NFATC3: variants seen among roughly 807,000 people sequenced by gnomAD.
NFATC3 encodes nuclear factor of activated T-cells, cytoplasmic 3.
NFATC3 carries 46 observed loss-of-function variants against 98.6 expected under a neutral mutation model. The ratio of observed to expected loss-of-function variants is 0.47; its 90% CI spans 0.37 to 0.60. The LOEUF is 0.60. Among genes scored for constraint, NFATC3 ranks in the 20% least tolerant of loss-of-function variants. NFATC3 has a pLI of 0.00. For missense variants in NFATC3, 1,256 were observed against 1,295.5 expected (o/e 0.97, Z 0.47); for synonymous variants, 512 against 472.2 (o/e 1.08, Z -1.09).
chr16:68,216,311 T>G (rs2041634717), intron 9 of NFATC3, among the ~76,000 whole-genome samples: 1 of 152,242 alleles, frequency 6.6e-6, no homozygotes, highest in African/African-American at 2.4e-5. Flanking sequence ...GTCTCACATC[T>G]TAAGCCAAAT....
rs758564977 is a variant in NFATC3, at chr16:68,191,713, A to G, written c.3044A>G (p.Glu1015Gly). 1 of 1,614,134 alleles carries G rather than the reference A, an allele frequency of 6.2e-7. No individual in the cohort carries two copies. Among genetic ancestry groups the G allele is most frequent in the South Asian group, 1.1e-5 (1 of 91,078 alleles). ...PDGATVSIKPEPEDREPNFAT... is the reference protein window; with the variant it reads ...PDGATVSIKPGPEDREPNFAT... ...GGGGCAACTGTGAGCATTAAACCTG[A>G]ACCAGAAGATCGAGAGCCTAACTTT... Residue 1015 changes from glutamate to glycine, a missense_variant, in exon 9 of 10, where the codon GAA (glutamate) becomes GGA (glycine). Glu to Gly is a moderately conservative substitution (Grantham distance 98). Transcript: ENST00000346183.
At chr16:68,151,801 G>A (rs1312814730) in intron 3 of NFATC3, among the ~76,000 whole-genome samples, 1 of 152,164 alleles carries the variant, frequency 6.6e-6, no homozygotes, top group African/African-American at 2.4e-5. Context: ...GGGCACAGTG[G>A]CTCACGCCTG....
At chr16:68,162,589 CTT>C (rs1203578990) in intron 4 of NFATC3, among the ~76,000 whole-genome samples, 14 of 138,908 alleles carry the variant, frequency 1.0e-4, no homozygotes, top group Non-Finnish European at 7.9e-5. Context: ...AGCCTAAACT[CTT>C]TTTTTTTTTT....
intron 6 of NFATC3, among the ~76,000 whole-genome samples, chr16:68,180,621 G>C (rs1434338146): frequency 6.6e-6 from 1 of 152,050 alleles, no homozygotes; most frequent in African/African-American, 2.4e-5. Flanking sequence ...GTTTACATTA[G>C]ATATATCTCC....
chr16:68,117,512 C>CTTAT (rs1208575122), intron 1 of NFATC3, among the ~76,000 whole-genome samples: 1 of 152,014 alleles, frequency 6.6e-6, no homozygotes, highest in Non-Finnish European at 1.5e-5. Context: ...TTCCAACAAC[C>CTTAT]TTATTTATTT....
intron 8 of NFATC3, among the ~76,000 whole-genome samples, chr16:68,186,858 A>T (rs2040226128): frequency 6.6e-6 from 1 of 152,252 alleles, no homozygotes; most frequent in African/African-American, 2.4e-5. Context: ...TTTATGGCGA[A>T]TAACTCCTTT....
rs898779304 is a variant in NFATC3, at chr16:68,085,799, A to G, written c.103+15A>G. 1.4e-5 allele frequency: 20 copies of G among 1,434,436 alleles called. No homozygotes were observed. In the African/African-American group the frequency reaches 2.3e-4, roughly 16 times the overall value. The allele number at this position is 1,434,436 out of a possible 1,614,324, so 88.9% of individuals were successfully genotyped here. A position where few individuals can be genotyped will look rare whatever the true frequency, so the allele number is the denominator to read the frequency against. On this transcript the variant is annotated intron_variant, in intron 1 of 9. Coordinates refer to ENST00000346183, the MANE Select transcript of NFATC3 (RefSeq NM_173165.3). ...GCGGCCTGCAGGTGGGTGCCGGGCC[A>G]GGCGGGACCGTGGAGCGACCCCGCT...
Position 68,227,688 on chromosome 16 carries a change from C to T in NFATC3, c.*1217C>T, listed in dbSNP as rs914819878. ...ATCCAGAAGTGATAACCTGACCCTCCACACCAAAGACACCCTGGTGCTGCT... is the reference window on the plus strand; with the variant it reads ...ATCCAGAAGTGATAACCTGACCCTCTACACCAAAGACACCCTGGTGCTGCT... On this transcript the variant is annotated 3_prime_UTR_variant, in exon 10 of 10. Transcript: ENST00000346183. 2.6e-5 allele frequency: 4 copies of T among 152,150 alleles called. No individual in the cohort carries two copies. The highest frequency in any genetic ancestry group is 5.9e-5 in the Non-Finnish European group (4 of 68,076). 9.4% of individuals were successfully genotyped at this position (152,150 alleles called of 1,614,324 possible). A position where few individuals can be genotyped will look rare whatever the true frequency, so the allele number is the denominator to read the frequency against.
intron 5 of NFATC3, among the ~76,000 whole-genome samples, chr16:68,168,621 GATT>G (rs1470899382): frequency 2.0e-5 from 3 of 152,112 alleles, no homozygotes; most frequent in Non-Finnish European, 4.4e-5. Flanking sequence ...GAGTAGCTGA[GATT>G]ATAGGCGTGT....
intron 2 of NFATC3, 61 bp downstream of exon 2, chr16:68,123,182 A>G (rs1290619169): frequency 6.6e-7 from 1 of 1,505,464 alleles, no homozygotes; most frequent in Non-Finnish European, 8.9e-7. Context: ...GGTGGCATAT[A>G]ACTACATTAT....
chr16:68,088,392 C>T (rs1014835266), intron 1 of NFATC3, among the ~76,000 whole-genome samples: 1 of 143,488 alleles, frequency 7.0e-6, no homozygotes, highest in Admixed American at 7.2e-5. Context: ...ATGTATATTT[C>T]ATATATAATA....
chr16:68,120,910 A>G (rs941944372), intron 1 of NFATC3, among the ~76,000 whole-genome samples: 4 of 152,202 alleles, frequency 2.6e-5, no homozygotes, highest in African/African-American at 7.2e-5. Context: ...TAGCTCTGAC[A>G]TGATGCCACA....
chr16:68,163,344 G>A lies in NFATC3; in HGVS notation c.1602-3499G>A, dbSNP rs548974712. ...CAGAGGCGCCCCTCACCTCCCGGGC[G>A]GGGCGGCTGGCTGGGCTGGGGGCTG... On this transcript the variant is annotated intron_variant, in intron 4 of 9. Coordinates refer to ENST00000346183, the MANE Select transcript of NFATC3 (RefSeq NM_173165.3). 6.9e-3 allele frequency among the ~76,000 whole-genome samples: 1,038 copies of A among 151,490 alleles called. 17 individuals are homozygous for A. The highest frequency in any genetic ancestry group is 0.023 in the African/African-American group (966 of 41,272).
intron 9 of NFATC3, among the ~76,000 whole-genome samples, chr16:68,204,455 CATTA>C (rs1251009488): frequency 3.9e-5 from 6 of 152,156 alleles, no homozygotes; most frequent in Non-Finnish European, 7.4e-5. Flanking sequence ...GCTAGTGGCT[CATTA>C]ATTCTTTGCA....
chr16:68,217,633 A>G, intron 9 of NFATC3: 2 of 1,230,484 alleles, frequency 1.6e-6, no homozygotes, highest in Non-Finnish European at 2.0e-6. Context: ...ACATTTCCAC[A>G]TAGGAAATTT....
At chr16:68,091,640 T>C (rs1162447734) in intron 1 of NFATC3, among the ~76,000 whole-genome samples, 1 of 152,166 alleles carries the variant, frequency 6.6e-6, no homozygotes, top group Non-Finnish European at 1.5e-5. Context: ...AGAGGTGAGG[T>C]TGAAGAAGCC....
intron 1 of NFATC3, among the ~76,000 whole-genome samples, chr16:68,118,696 G>A (rs2036418483): frequency 6.6e-6 from 1 of 152,112 alleles, no homozygotes; most frequent in East Asian, 1.9e-4. Context: ...TAGCTAGCTT[G>A]TGTTCTTATG....
At chr16:68,196,618 C>T (rs574848094) in intron 9 of NFATC3, among the ~76,000 whole-genome samples, 1 of 151,298 alleles carries the variant, frequency 6.6e-6, no homozygotes, top group South Asian at 2.1e-4. Flanking sequence ...TGCTTGAACC[C>T]GGGAGGTGGA....
rs1473048253 is a variant in NFATC3, at chr16:68,192,406, A to G, written c.3106+631A>G. Among the ~76,000 whole-genome samples the G allele has an allele frequency of 2.7e-5, 4 of 150,350 alleles. No individual in the cohort carries two copies. In the East Asian group the frequency reaches 7.7e-4, roughly 29 times the overall value. ...ATGCCTTAGCATCTGTTTTACCACTAATATCTGTTGCTGAATACGAGATCT... is the reference window on the plus strand; with the variant it reads ...ATGCCTTAGCATCTGTTTTACCACTGATATCTGTTGCTGAATACGAGATCT... On this transcript the variant is annotated intron_variant, in intron 9 of 9. Transcript: ENST00000346183.
Sources: allele counts gnomAD v4.1 joint callset (sites outside exome capture counted in the v4.1 genomes callset), GRCh38; gene constraint gnomAD v4.1.1; transcripts MANE v1.5; gene names NCBI Gene and HGNC (gene_info 2026-07-23, HGNC 2026-07-21).